The following METTL15 variants were observed in gnomAD, a reference collection of about 807,000 sequenced individuals.
METTL15 encodes the protein methyltransferase 15, mitochondrial 12S rRNA N4-cytidine, also known as 12S rRNA N(4)-cytidine methyltransferase METTL15.
Under a neutral mutation model 38.3 loss-of-function variants are expected in METTL15, and 34 were observed. The ratio of observed to expected loss-of-function variants is 0.89; its 90% CI spans 0.68 to 1.18. The LOEUF (loss-of-function observed/expected upper bound fraction) is 1.18. Among genes scored for constraint, METTL15 ranks in the 50% most tolerant of loss-of-function variants. The pLI is 0.00. For synonymous variants in METTL15, 162 were observed against 170.9 expected (o/e 0.95, Z 0.41); for missense variants, 438 against 498.4 (o/e 0.88, Z 1.15).
intron 3 of METTL15, among the ~76,000 whole-genome samples, chr11:28,139,183 A>G (rs1294577464): frequency 1.3e-5 from 2 of 152,136 alleles, no homozygotes; most frequent in Non-Finnish European, 2.9e-5. Flanking sequence ...TGGGGGATAT[A>G]TCTGAGGGGA....
intron 6 of METTL15, among the ~76,000 whole-genome samples, chr11:28,508,623 G>C (rs1851649260): frequency 6.6e-6 from 1 of 152,142 alleles, no homozygotes; most frequent in Admixed American, 6.5e-5. Context: ...ATCTCTAGGG[G>C]ATCTTTTTGT....
intron 4 of METTL15, among the ~76,000 whole-genome samples, chr11:28,259,692 A>G (rs1056291243): frequency 1.3e-5 from 2 of 152,154 alleles, no homozygotes; most frequent in Non-Finnish European, 2.9e-5. Flanking sequence ...TTCTCCCCTG[A>G]GCATAGAAAC....
At chr11:28,339,852 T>C (rs1472718456) in intron 3 of METTL15, among the ~76,000 whole-genome samples, 1 of 151,686 alleles carries the variant, frequency 6.6e-6, no homozygotes, top group Non-Finnish European at 1.5e-5. Flanking sequence ...GAGGAGAAAG[T>C]AGGGGGGAAA....
At chr11:28,357,178 T>C (rs1161368850) in intron 4 of METTL15, among the ~76,000 whole-genome samples, 1 of 152,174 alleles carries the variant, frequency 6.6e-6, no homozygotes, top group Admixed American at 6.5e-5. Flanking sequence ...ACAGTATACT[T>C]TTGGTTTACA....
intron 3 of METTL15, among the ~76,000 whole-genome samples, chr11:28,179,296 A>AT (rs1486257097): frequency 6.6e-5 from 10 of 151,552 alleles, no homozygotes; most frequent in Non-Finnish European, 1.2e-4. Context: ...ATTATGCGTT[A>AT]TTTTTTCTGT....
chr11:28,386,729 A>G (rs192393834), intron 5 of METTL15, among the ~76,000 whole-genome samples: 69 of 152,138 alleles, frequency 4.5e-4, no homozygotes, highest in Middle Eastern at 6.8e-3. Flanking sequence ...AGACACATAT[A>G]TAACACTGTA....
intron 6 of METTL15, among the ~76,000 whole-genome samples, chr11:28,491,003 A>G (rs1296220030): frequency 1.3e-5 from 2 of 152,190 alleles, no homozygotes; most frequent in Non-Finnish European, 1.5e-5. Flanking sequence ...TAATTTCCCA[A>G]TGAGTTATTG....
In METTL15 at chr11:28,108,421, G is replaced by C. The variant is rs1851576185; in HGVS notation, c.-285G>C. 6.6e-6 allele frequency: 1 copy of C among 152,482 alleles called. No individual in the cohort carries two copies. The highest frequency in any genetic ancestry group is 1.9e-4 in the East Asian group (1 of 5,196). The allele number at this position is 152,482 out of a possible 1,614,324, so 9.4% of individuals were successfully genotyped here. A position where few individuals can be genotyped will look rare whatever the true frequency, so the allele number is the denominator to read the frequency against. On this transcript the variant is annotated 5_prime_UTR_variant, in exon 1 of 7. Transcript: ENST00000407364. ...GAGATCACCAGGCCTCCTGTAGACC[G>C]GCGGGTGCAGGGCCCGGTCCCAGAG...
At chr11:28,133,205 T>A (rs1267331687) in intron 3 of METTL15, among the ~76,000 whole-genome samples, 1 of 152,164 alleles carries the variant, frequency 6.6e-6, no homozygotes, top group Non-Finnish European at 1.5e-5. Context: ...TTAAAATGTC[T>A]CTTGGAATAG....
chr11:28,435,178 CA>C (rs1199165985), intron 6 of METTL15, among the ~76,000 whole-genome samples: 1 of 152,170 alleles, frequency 6.6e-6, no homozygotes, highest in Non-Finnish European at 1.5e-5. Flanking sequence ...AAAATCTCTT[CA>C]AGTTGGGGCA....
chr11:28,263,009 T>A (rs571893247), intron 4 of METTL15, among the ~76,000 whole-genome samples: 3 of 152,264 alleles, frequency 2.0e-5, no homozygotes, highest in Non-Finnish European at 4.4e-5. Flanking sequence ...TTCTTTTTTT[T>A]AATTGGGTTA....
chr11:28,292,972 T>G (rs1413491836), intron 5 of METTL15, among the ~76,000 whole-genome samples: 2 of 152,114 alleles, frequency 1.3e-5, no homozygotes, highest in African/African-American at 4.8e-5. Context: ...GTCAGATGAG[T>G]AGGTTGCAAA....
At chr11:28,389,341 A>G (rs1476738518) in intron 5 of METTL15, among the ~76,000 whole-genome samples, 1 of 147,786 alleles carries the variant, frequency 6.8e-6, no homozygotes, top group Non-Finnish European at 1.5e-5. Context: ...TTAACTCGTC[A>G]TTTAGCATTA....
chr11:28,371,622 T>A (rs752905259), intron 5 of METTL15, among the ~76,000 whole-genome samples: 3 of 152,074 alleles, frequency 2.0e-5, no homozygotes, highest in Non-Finnish European at 4.4e-5. Flanking sequence ...TTCTAATTCA[T>A]GAACATGGAA....
intron 6 of METTL15, among the ~76,000 whole-genome samples, chr11:28,464,943 C>T (rs1259720335): frequency 6.6e-6 from 1 of 152,182 alleles, no homozygotes; most frequent in Non-Finnish European, 1.5e-5. Context: ...AGAGATGCCC[C>T]TTCATCTTCC....
intron 4 of METTL15, among the ~76,000 whole-genome samples, chr11:28,239,620 T>G (rs1854198766): frequency 6.6e-6 from 1 of 152,172 alleles, no homozygotes; most frequent in Admixed American, 6.5e-5. Flanking sequence ...TGTTGACCCC[T>G]GTTTTTTTAC....
chr11:28,392,722 G>A (rs1337823218), intron 5 of METTL15, among the ~76,000 whole-genome samples: 11 of 152,012 alleles, frequency 7.2e-5, no homozygotes, highest in Non-Finnish European at 1.5e-5. Flanking sequence ...GGCAAACTAT[G>A]TAATGGAAGA....
At chr11:28,434,738 G>A (rs1411940177) in intron 6 of METTL15, among the ~76,000 whole-genome samples, 2 of 152,190 alleles carry the variant, frequency 1.3e-5, no homozygotes, top group African/African-American at 4.8e-5. Flanking sequence ...AGATTCTGCT[G>A]ATCTAGGATA....
At chr11:28,454,452 A>C (rs745632069) in intron 6 of METTL15, among the ~76,000 whole-genome samples, 31 of 152,156 alleles carry the variant, frequency 2.0e-4, no homozygotes, top group Non-Finnish European at 4.1e-4. Flanking sequence ...GCCTCTTGGG[A>C]GACATATTTA....
Sources: allele counts gnomAD v4.1 joint callset (sites outside exome capture counted in the v4.1 genomes callset), GRCh38; gene constraint gnomAD v4.1.1; transcripts MANE v1.5; gene names NCBI Gene and HGNC (gene_info 2026-07-23, HGNC 2026-07-21).